UMAD1: variants seen among roughly 807,000 people sequenced by gnomAD.
UMAD1 encodes UBAP1-MVB12-associated (UMA)-domain containing protein 1.
Under a neutral mutation model 6.1 loss-of-function variants are expected in UMAD1, and 8 were observed. The ratio of observed to expected loss-of-function variants is 1.30; its 90% CI spans 0.76 to 2.35. The LOEUF (loss-of-function observed/expected upper bound fraction) is 2.35. Ranked by LOEUF, UMAD1 falls within the 30% of genes most tolerant of loss-of-function variation. The pLI is 0.00. For synonymous variants in UMAD1, 56 were observed against 31.4 expected (o/e 1.78, Z -2.61); for missense variants, 130 against 78.4 (o/e 1.66, Z -2.49).
At chr7:7,731,510 G>T (rs1781255778) in intron 2 of UMAD1, among the ~76,000 whole-genome samples, 2 of 142,288 alleles carry the variant, frequency 1.4e-5, no homozygotes, top group South Asian at 4.4e-4. Context: ...AACACTTCTA[G>T]AGGTATTGTT....
intron 2 of UMAD1, among the ~76,000 whole-genome samples, chr7:7,769,652 G>A (rs1782063350): frequency 6.6e-6 from 1 of 152,300 alleles, no homozygotes; most frequent in East Asian, 1.9e-4. Context: ...AAGACAGAGG[G>A]AAGGAGAGGG....
chr7:7,799,303 C>T (rs1782751529), intron 2 of UMAD1, among the ~76,000 whole-genome samples: 1 of 152,196 alleles, frequency 6.6e-6, no homozygotes, highest in Non-Finnish European at 1.5e-5. Flanking sequence ...TCCTTGTAAT[C>T]ATTTATTGTC....
At chr7:7,826,534 A>G (rs142785874) in intron 3 of UMAD1, among the ~76,000 whole-genome samples, 416 of 152,228 alleles carry the variant, frequency 2.7e-3, no homozygotes, top group Non-Finnish European at 4.3e-3. Context: ...TTTCGCCTCA[A>G]TTGGTGAATA....
chr7:7,822,478 TGA>T (rs1783259932), intron 3 of UMAD1, among the ~76,000 whole-genome samples: 1 of 151,626 alleles, frequency 6.6e-6, no homozygotes, highest in Non-Finnish European at 1.5e-5. Context: ...TAGCATGAAA[TGA>T]GAGAGCGCTT....
chr7:7,767,738 A>G (rs1021310674), intron 2 of UMAD1, among the ~76,000 whole-genome samples: 1 of 152,182 alleles, frequency 6.6e-6, no homozygotes, highest in Admixed American at 6.5e-5. Context: ...TGAGGTAGAT[A>G]CCATTATTAT....
rs59221325 is a variant in UMAD1, at chr7:7,796,244, C to CTTTTTTTTTT, written c.83-5411_83-5402dup. On this transcript the variant is annotated intron_variant, in intron 2 of 3. Coordinates refer to ENST00000682710, the MANE Select transcript of UMAD1 (RefSeq NM_001302348.2). Reference sequence around the variant, plus strand: ...ACTTTGACCCATTTCTATTTTCTTTCTTTTTTTTTTTTTTTTTTTTTTTTG... The same window carrying CTTTTTTTTTT: ...ACTTTGACCCATTTCTATTTTCTTTCTTTTTTTTTTTTTTTTTTTTTTTTTTTTTTTTTTG... Among the ~76,000 whole-genome samples, 330 of 63,940 alleles carry CTTTTTTTTTT rather than the reference C, an allele frequency of 5.2e-3. 19 individuals are homozygous for CTTTTTTTTTT. The highest frequency in any genetic ancestry group is 9.4e-3 in the African/African-American group (96 of 10,234). 41.9% of individuals were successfully genotyped at this position (63,940 alleles called of 152,430 possible).
intron 2 of UMAD1, among the ~76,000 whole-genome samples, chr7:7,691,490 T>C (rs1208302318): frequency 6.6e-6 from 1 of 152,216 alleles, no homozygotes; most frequent in Non-Finnish European, 1.5e-5. Flanking sequence ...AAAGAGCATT[T>C]TGACTTCAAG....
intron 3 of UMAD1, among the ~76,000 whole-genome samples, chr7:7,816,797 A>C (rs1376702624): frequency 6.6e-6 from 1 of 152,030 alleles, no homozygotes; most frequent in Non-Finnish European, 1.5e-5. Flanking sequence ...CTACCTCCCC[A>C]CTGCAACTAC....
chr7:7,708,832 G>A (rs1454378256), intron 2 of UMAD1, among the ~76,000 whole-genome samples: 5 of 152,070 alleles, frequency 3.3e-5, no homozygotes, highest in Non-Finnish European at 7.4e-5. Context: ...GTTATAACAA[G>A]ACACCAAATG....
At chr7:7,811,089 G>T (rs1448078582) in intron 3 of UMAD1, among the ~76,000 whole-genome samples, 1 of 152,122 alleles carries the variant, frequency 6.6e-6, no homozygotes, top group African/African-American at 2.4e-5. Context: ...CCCCGCAAAA[G>T]TGTATGGGTT....
chr7:7,825,075 A>G (rs1247568358), intron 3 of UMAD1, among the ~76,000 whole-genome samples: 2 of 152,030 alleles, frequency 1.3e-5, no homozygotes, highest in African/African-American at 4.8e-5. Flanking sequence ...CTCTCCTTTC[A>G]GTTTTTATAT....
chr7:7,873,051 G>A lies in UMAD1; in HGVS notation c.157-4230G>A, dbSNP rs563262925. Among the ~76,000 whole-genome samples the A allele has an allele frequency of 1.8e-3, 279 of 152,260 alleles. 1 individual carries two copies. Among genetic ancestry groups the A allele is most frequent in the African/African-American group, 6.2e-3 (257 of 41,568 alleles). Reference sequence around the variant, plus strand: ...TTATTCACTTACTTTAACCTGTGCCGAGCACTGTTCTGCTTACTTATAAAT... The same window carrying A: ...TTATTCACTTACTTTAACCTGTGCCAAGCACTGTTCTGCTTACTTATAAAT... On this transcript the variant is annotated intron_variant, in intron 3 of 3. Transcript: ENST00000682710.
chr7:7,757,356 G>T (rs1781798135), intron 2 of UMAD1, among the ~76,000 whole-genome samples: 1 of 152,100 alleles, frequency 6.6e-6, no homozygotes, highest in Admixed American at 6.5e-5. Context: ...TCTCTCAAAA[G>T]AAACATTCCC....
chr7:7,836,443 A>C (rs1329240605), intron 3 of UMAD1, among the ~76,000 whole-genome samples: 1 of 151,934 alleles, frequency 6.6e-6, no homozygotes, highest in African/African-American at 2.4e-5. Flanking sequence ...TTTCTGTTTC[A>C]TGCTATAATT....
chr7:7,795,560 A>T lies in UMAD1; in HGVS notation c.83-6110A>T, dbSNP rs188605884. Among the ~76,000 whole-genome samples the T allele has an allele frequency of 1.9e-3, 284 of 152,366 alleles. 1 individual carries two copies. Among genetic ancestry groups the T allele is most frequent in the African/African-American group, 6.3e-3 (261 of 41,584 alleles). ...AGGAGTAAAAGAATGGCTGCCCCAC[A>T]GGCAGAGCAGCTGCGAGGGCTGCTG... On this transcript the variant is annotated intron_variant, in intron 2 of 3. Coordinates refer to ENST00000682710, the MANE Select transcript of UMAD1 (RefSeq NM_001302348.2).
At chr7:7,719,405 ATC>A (rs1236535714) in intron 2 of UMAD1, among the ~76,000 whole-genome samples, 1 of 152,226 alleles carries the variant, frequency 6.6e-6, no homozygotes, top group East Asian at 1.9e-4. Flanking sequence ...ATGGTGACTA[ATC>A]TCTCTGGCAA....
chr7:7,796,775 A>G lies in UMAD1; in HGVS notation c.83-4895A>G, dbSNP rs910706915. Among the ~76,000 whole-genome samples, 7 of 152,120 alleles carry G rather than the reference A, an allele frequency of 4.6e-5. 1 individual carries two copies. Among genetic ancestry groups the G allele is most frequent in the African/African-American group, 1.7e-4 (7 of 41,406 alleles). ...ACAGAGGAACCAAATCAGCAAGAGA[A>G]TACCGTTTCTTCATCTCCCTGCCCC... On this transcript the variant is annotated intron_variant, in intron 2 of 3. Coordinates refer to ENST00000682710, the MANE Select transcript of UMAD1 (RefSeq NM_001302348.2).
At chr7:7,745,919 G>T (rs1781564623) in intron 2 of UMAD1, among the ~76,000 whole-genome samples, 1 of 151,934 alleles carries the variant, frequency 6.6e-6, no homozygotes, top group Non-Finnish European at 1.5e-5. Context: ...GTCTGTCTGG[G>T]ACCGAGACTT....
intron 1 of UMAD1, among the ~76,000 whole-genome samples, chr7:7,660,068 C>G (rs1357064496): frequency 2.0e-5 from 3 of 152,116 alleles, no homozygotes; most frequent in Non-Finnish European, 4.4e-5. Context: ...CTCTTTTTGT[C>G]TCTTTTGATC....
Sources: gnomAD v4.1 joint callset for allele counts (sites outside exome capture counted in the v4.1 genomes callset) on GRCh38, gnomAD v4.1.1 for gene constraint, MANE v1.5 for transcripts, NCBI Gene and HGNC (gene_info 2026-07-23, HGNC 2026-07-21) for gene names.